Variants in ATG7 observed in about 807,000 individuals in gnomAD.
ATG7 encodes autophagy related 7.
A neutral mutation model predicts 82.4 loss-of-function variants in ATG7; 70 were observed. The ratio of observed to expected loss-of-function variants is 0.85; its 90% CI spans 0.70 to 1.04. The LOEUF (loss-of-function observed/expected upper bound fraction) is 1.04, where lower values mean the gene tolerates loss of function less well. ATG7 is among the 50% of genes least tolerant of loss of function. ATG7 has a pLI of 0.00. For missense variants in ATG7, 792 were observed against 864.3 expected (o/e 0.92, Z 1.05); for synonymous variants, 287 against 313.0 (o/e 0.92, Z 0.88).
chr3:11,498,514 C>T (rs1272572464), intron 20 of ATG7, among the ~76,000 whole-genome samples: 1 of 152,202 alleles, frequency 6.6e-6, no homozygotes, highest in Admixed American at 6.5e-5. Flanking sequence ...CATCCACCAC[C>T]TCCACTAGGA....
Position 11,315,336 on chromosome 3 carries a change from G to A in ATG7, c.529-8G>A. The A allele has an allele frequency of 1.9e-6, 3 of 1,544,382 alleles. No individual in the cohort carries two copies. The highest frequency in any genetic ancestry group is 2.5e-5 in the South Asian group (2 of 81,296). On this transcript the variant is annotated splice_region_variant and splice_polypyrimidine_tract_variant and intron_variant, in intron 8 of 20. Transcript: ENST00000693202. The stretch of plus-strand genomic sequence containing the variant: ...TCTAGAGAATAACAACGTGTTTTCT[G>A]TTTTCAGATTGAAGCACTAGAGTGT...
At chr3:11,558,426 GT>G, downstream of ATG7, 1 of 1,387,248 alleles carries the variant, frequency 7.2e-7, no homozygotes, top group Non-Finnish European at 9.5e-7. Context: ...CAACAACATG[GT>G]TTTTGCAAAT....
intron 20 of ATG7, among the ~76,000 whole-genome samples, chr3:11,486,249 T>C (rs191787081): frequency 7.2e-5 from 11 of 152,318 alleles, no homozygotes; most frequent in Non-Finnish European, 1.3e-4. Context: ...CTTGAAGAGG[T>C]CCTTCACTTC....
intron 20 of ATG7, among the ~76,000 whole-genome samples, chr3:11,541,789 T>G (rs2070857761): frequency 6.6e-6 from 1 of 152,214 alleles, no homozygotes; most frequent in African/African-American, 2.4e-5. Flanking sequence ...GCCTGCCTTT[T>G]TAAAGGGAAA....
chr3:11,548,122 G>T (rs919019732), intron 20 of ATG7, among the ~76,000 whole-genome samples: 1 of 152,118 alleles, frequency 6.6e-6, no homozygotes, highest in African/African-American at 2.4e-5. Flanking sequence ...GAAATTACAG[G>T]CATGAGCCAC....
At chr3:11,318,883 C>T (rs1249151285) in intron 9 of ATG7, among the ~76,000 whole-genome samples, 2 of 152,208 alleles carry the variant, frequency 1.3e-5, no homozygotes, top group Non-Finnish European at 2.9e-5. Context: ...GAAGCACTGG[C>T]TGATTGCTTG....
intron 20 of ATG7, among the ~76,000 whole-genome samples, chr3:11,431,616 A>G (rs778045941): frequency 6.6e-6 from 1 of 152,258 alleles, no homozygotes; most frequent in African/African-American, 2.4e-5. Flanking sequence ...GGATTTTTCT[A>G]TTCTGGACAC....
intron 14 of ATG7, chr3:11,348,704 G>A (rs1487964946): frequency 2.6e-5 from 4 of 152,270 alleles, no homozygotes; most frequent in African/African-American, 9.7e-5. Flanking sequence ...TGCTGCTGCT[G>A]GCTGGGGTGG....
intron 20 of ATG7, among the ~76,000 whole-genome samples, chr3:11,470,857 C>T (rs1383120657): frequency 6.6e-6 from 1 of 152,148 alleles, no homozygotes; most frequent in East Asian, 1.9e-4. Context: ...AAGGCACCGG[C>T]ATTTATTACT....
intron 9 of ATG7, among the ~76,000 whole-genome samples, chr3:11,323,834 C>T (rs1462517745): frequency 1.3e-5 from 2 of 152,168 alleles, no homozygotes; most frequent in African/African-American, 2.4e-5. Context: ...AGTTTTTTCC[C>T]CCATACTTTA....
chr3:11,454,077 G>A (rs573806464), intron 20 of ATG7, among the ~76,000 whole-genome samples: 97 of 152,282 alleles, frequency 6.4e-4, no homozygotes, highest in African/African-American at 2.2e-3. Flanking sequence ...TGGCTAGCAG[G>A]TCTGACCAGC....
chr3:11,533,231 T>G (rs2092725783), intron 20 of ATG7, among the ~76,000 whole-genome samples: 2 of 152,104 alleles, frequency 1.3e-5, no homozygotes. Flanking sequence ...AGCCCTCCTC[T>G]CCAGCTCCCT....
At position 11,355,192 on chromosome 3, in the gene ATG7, A is replaced by G. The variant is rs538491957; in HGVS notation, c.1285-3226A>G. 1.4e-4 allele frequency among the ~76,000 whole-genome samples: 22 copies of G among 152,352 alleles called. No homozygotes were observed. The South Asian group carries it at 3.7e-3, about 26-fold the overall frequency. ...GAGCTATGAGCAGAATGGAGATTCC[A>G]GAGTTCACACGAGCTGGGAGACACT... On this transcript the variant is annotated intron_variant, in intron 14 of 20. Coordinates refer to ENST00000693202, the MANE Select transcript of ATG7 (RefSeq NM_001349232.2).
chr3:11,550,723 C>T (rs2071695201), intron 20 of ATG7, among the ~76,000 whole-genome samples: 1 of 152,100 alleles, frequency 6.6e-6, no homozygotes, highest in African/African-American at 2.4e-5. Flanking sequence ...TTGTCTATTA[C>T]CGAGATGAGC....
At chr3:11,333,243 A>AGAG (rs1951905741) in intron 11 of ATG7, 150 bp downstream of exon 11, 1 of 1,069,740 alleles carries the variant, frequency 9.3e-7, no homozygotes, top group Non-Finnish European at 1.2e-6. Context: ...CCTACTTCGA[A>AGAG]CAGAGGGCAT....
chr3:11,438,938 C>T (rs2083610177), intron 20 of ATG7, among the ~76,000 whole-genome samples: 1 of 152,072 alleles, frequency 6.6e-6, no homozygotes, highest in African/African-American at 2.4e-5. Context: ...TTACAGCTGA[C>T]CCTTCTCACT....
the ATG7 span, among the ~76,000 whole-genome samples, chr3:11,574,056 G>A: frequency 6.6e-6 from 1 of 152,138 alleles, no homozygotes; most frequent in Non-Finnish European, 1.5e-5. Context: ...CTGCACAGAC[G>A]CTCCCCACAG....
chr3:11,514,039 T>G (rs1451947815), intron 20 of ATG7, among the ~76,000 whole-genome samples: 1 of 152,050 alleles, frequency 6.6e-6, no homozygotes, highest in African/African-American at 2.4e-5. Flanking sequence ...CCAAGCTAAT[T>G]TTTTTTTGGT....
In ATG7 at chr3:11,387,702, G is replaced by A. The variant is rs574004632; in HGVS notation, c.1956+7650G>A. ...AAATGCAAAGCCAGCTGGGCGTGGT[G>A]GCGCACACCTGTAATCCCAGCACTT... On this transcript the variant is annotated intron_variant, in intron 19 of 20. Coordinates refer to ENST00000693202, the MANE Select transcript of ATG7 (RefSeq NM_001349232.2). Among the ~76,000 whole-genome samples the A allele has an allele frequency of 1.2e-4, 19 of 152,306 alleles. No homozygotes were observed. In the East Asian group the frequency reaches 3.7e-3, roughly 29 times the overall value.
Sources: gnomAD v4.1 joint callset for allele counts (sites outside exome capture counted in the v4.1 genomes callset) on GRCh38, gnomAD v4.1.1 for gene constraint, MANE v1.5 for transcripts, NCBI Gene and HGNC (gene_info 2026-07-23, HGNC 2026-07-21) for gene names.